The following CRB1 variants were observed in gnomAD, a reference collection of about 807,000 sequenced individuals.
The protein encoded by CRB1 is crumbs cell polarity complex component 1, also known as protein crumbs homolog 1.
Under a neutral mutation model 120.0 loss-of-function variants are expected in CRB1, and 83 were observed. The observed-to-expected ratio is 0.69, with a 90% CI of 0.58 to 0.83. The LOEUF (loss-of-function observed/expected upper bound fraction) is 0.83. CRB1 is among the 40% of genes least tolerant of loss of function. The pLI, the probability that CRB1 is intolerant of heterozygous loss-of-function variation, is 0.00. For synonymous variants in CRB1, 625 were observed against 612.5 expected (o/e 1.02, Z -0.30); for missense variants, 1,699 against 1,687.6 (o/e 1.01, Z -0.12).
At chr1:197,452,448 G>A (rs985188811) in intron 11 of CRB1, among the ~76,000 whole-genome samples, 1 of 152,190 alleles carries the variant, frequency 6.6e-6, no homozygotes, top group Non-Finnish European at 1.5e-5. Context: ...TAGGATCTTA[G>A]AGGATGTAGG....
Position 197,344,567 on chromosome 1 carries a change from T to C in CRB1, c.848+91T>C, listed in dbSNP as rs1200559027. The C allele has an allele frequency of 6.3e-6, 8 of 1,277,210 alleles. No individual in the cohort carries two copies. In the East Asian group the frequency reaches 1.4e-4, roughly 22 times the overall value. The allele number at this position is 1,277,210 out of a possible 1,614,324, so 79.1% of individuals were successfully genotyped here. The stretch of plus-strand genomic sequence containing the variant: ...TGTTGAATTTAGAGCTCTCACGTTC[T>C]CGGCTTAAAATTTGGGGTGTAACTT... On this transcript the variant is annotated intron_variant, in intron 3 of 11. Coordinates refer to ENST00000367400, the MANE Select transcript of CRB1 (RefSeq NM_201253.3).
intron 5 of CRB1, among the ~76,000 whole-genome samples, chr1:197,370,552 T>C (rs1336020142): frequency 6.6e-6 from 1 of 152,182 alleles, no homozygotes; most frequent in African/African-American, 2.4e-5. Flanking sequence ...TTAAATAACC[T>C]GCTCCTGAAT....
intron 1 of CRB1, among the ~76,000 whole-genome samples, chr1:197,315,857 T>C (rs921986846): frequency 5.2e-5 from 8 of 152,382 alleles, no homozygotes; most frequent in African/African-American, 1.9e-4. Flanking sequence ...ATTTAAATTA[T>C]TTCTTTTCAA....
At chr1:197,350,729 T>C (rs1660049604) in intron 4 of CRB1, among the ~76,000 whole-genome samples, 1 of 152,156 alleles carries the variant, frequency 6.6e-6, no homozygotes, top group Non-Finnish European at 1.5e-5. Flanking sequence ...GATAGCTTGA[T>C]CAAAGAGGCA....
chr1:197,395,613 C>T (rs1325206666), intron 5 of CRB1, among the ~76,000 whole-genome samples: 1 of 152,130 alleles, frequency 6.6e-6, no homozygotes, highest in Non-Finnish European at 1.5e-5. Context: ...TGCTCCAGTG[C>T]TCCCTCCTTA....
At position 197,353,818 on chromosome 1, in the gene CRB1, A is replaced by T. The variant is rs1239549744; in HGVS notation, c.989-3013A>T. 2.0e-3 allele frequency among the ~76,000 whole-genome samples: 298 copies of T among 147,984 alleles called. 1 individual carries two copies. Among genetic ancestry groups the T allele is most frequent in the East Asian group, 0.02 (103 of 5,156 alleles). ...TCCGTCTCAAAAATATATAAATAAA[A>T]AAAAAAAAAAAAAAAAAAACTTTAT... On this transcript the variant is annotated intron_variant, in intron 4 of 11. Transcript: ENST00000367400.
intron 5 of CRB1, among the ~76,000 whole-genome samples, chr1:197,400,304 C>CTT (rs200472313): frequency 0.061 from 7,792 of 126,976 alleles, 837 homozygotes; most frequent in African/African-American, 0.22. Context: ...AATGTAAGAG[C>CTT]TTTTTTTTTT....
intron 1 of CRB1, among the ~76,000 whole-genome samples, chr1:197,318,825 CA>C (rs899339184): frequency 5.3e-5 from 8 of 151,986 alleles, no homozygotes; most frequent in Non-Finnish European, 7.4e-5. Flanking sequence ...GTAGTTGCCA[CA>C]AGATAGGGAG....
intron 5 of CRB1, chr1:197,413,827 C>A: frequency 2.3e-6 from 1 of 434,782 alleles, no homozygotes; most frequent in Non-Finnish European, 4.7e-6. Context: ...TACTCTCTAC[C>A]TGCGAGAAAG....
the CRB1 span, among the ~76,000 whole-genome samples, chr1:197,224,549 A>G: frequency 1.3e-5 from 2 of 152,296 alleles, no homozygotes; most frequent in Non-Finnish European, 2.9e-5. Context: ...AATTTCACCA[A>G]TAGGAATATG....
chr1:197,405,275 G>T (rs1396030749), intron 5 of CRB1, among the ~76,000 whole-genome samples: 1 of 152,142 alleles, frequency 6.6e-6, no homozygotes, highest in Non-Finnish European at 1.5e-5. Flanking sequence ...ACGGGGTTTC[G>T]CTGTGTTGGC....
At chr1:197,254,040 C>T in the CRB1 span, among the ~76,000 whole-genome samples, 2 of 152,060 alleles carry the variant, frequency 1.3e-5, no homozygotes, top group South Asian at 4.1e-4. Flanking sequence ...AACTCTGGGC[C>T]TTCATTCTCT....
intron 5 of CRB1, among the ~76,000 whole-genome samples, chr1:197,400,906 T>C (rs1254204727): frequency 2.6e-5 from 4 of 152,112 alleles, no homozygotes; most frequent in Non-Finnish European, 5.9e-5. Flanking sequence ...CACCTAAAAA[T>C]ACTTTAGTAT....
Position 197,435,160 on chromosome 1 carries a change from A to G in CRB1, c.3297A>G (p.Thr1099=), listed in dbSNP as rs2125500012. ...NIKGLQGCLS[T]IEIGGIYLSY... ...AGGGCCTGCAAGGGTGTCTAAGTAC[A>G]ATAGAAATCGGAGGCATTTATCTCT... The change falls in exon 9 of 12, where the codon ACA becomes ACG. Residue 1099 remains threonine, a synonymous_variant. Coordinates refer to ENST00000367400, the MANE Select transcript of CRB1 (RefSeq NM_201253.3). 3 of 1,613,954 alleles carry G rather than the reference A, an allele frequency of 1.9e-6. No homozygotes were observed. Among genetic ancestry groups the G allele is most frequent in the Non-Finnish European group, 2.5e-6 (3 of 1,179,866 alleles).
intron 8 of CRB1, 146 bp downstream of exon 8, chr1:197,429,760 G>C: frequency 1.2e-6 from 1 of 828,272 alleles, no homozygotes; most frequent in Non-Finnish European, 1.9e-6. Context: ...GGCTAATACT[G>C]ACTGGCCTCT....
chr1:197,304,703 T>C (rs986083404), intron 1 of CRB1, among the ~76,000 whole-genome samples: 1 of 152,248 alleles, frequency 6.6e-6, no homozygotes, highest in African/African-American at 2.4e-5. Context: ...TTTCCTCTTT[T>C]GGCTACATCT....
the CRB1 span, among the ~76,000 whole-genome samples, chr1:197,212,794 G>A: frequency 6.6e-6 from 1 of 152,084 alleles, no homozygotes; most frequent in Non-Finnish European, 1.5e-5. Flanking sequence ...ACCCAGACAC[G>A]TGAACAGAGA....
At chr1:197,378,287 C>T (rs539411581) in intron 5 of CRB1, among the ~76,000 whole-genome samples, 2 of 152,288 alleles carry the variant, frequency 1.3e-5, no homozygotes, top group South Asian at 2.1e-4. Context: ...ACAAAATGTC[C>T]TGCTCTCCAC....
chr1:197,387,689 G>A (rs926682849), intron 5 of CRB1, among the ~76,000 whole-genome samples: 1 of 151,822 alleles, frequency 6.6e-6, no homozygotes. Flanking sequence ...TTTATTGGGT[G>A]CAACAATTTT....
Sources: gnomAD v4.1 joint callset for allele counts (sites outside exome capture counted in the v4.1 genomes callset) on GRCh38, gnomAD v4.1.1 for gene constraint, MANE v1.5 for transcripts, NCBI Gene and HGNC (gene_info 2026-07-23, HGNC 2026-07-21) for gene names.